Variants in BCR observed in about 807,000 individuals in gnomAD.
BCR encodes BCR activator of RhoGEF and GTPase.
BCR carries 58 observed loss-of-function variants against 138.6 expected under a neutral mutation model. The ratio of observed to expected loss-of-function variants is 0.42; its 90% CI spans 0.34 to 0.52. The LOEUF is 0.52. BCR is among the 20% of genes least tolerant of loss of function. BCR has a pLI of 0.06. For missense variants in BCR, 1,599 were observed against 1,727.2 expected (o/e 0.93, Z 1.32); for synonymous variants, 786 against 730.1 (o/e 1.08, Z -1.23).
At chr22:23,210,532 C>G (rs748014266) in intron 1 of BCR, among the ~76,000 whole-genome samples, 1 of 152,124 alleles carries the variant, frequency 6.6e-6, no homozygotes, top group African/African-American at 2.4e-5. Context: ...GAAAGTCACT[C>G]TTGGTATACT....
At chr22:23,194,018 G>A (rs774437992) in intron 1 of BCR, among the ~76,000 whole-genome samples, 2 of 152,232 alleles carry the variant, frequency 1.3e-5, no homozygotes, top group African/African-American at 2.4e-5. Context: ...GAGGCACGGA[G>A]GTGGTTGTGC....
intron 15 of BCR, among the ~76,000 whole-genome samples, chr22:23,293,977 G>C (rs921496647): frequency 6.6e-6 from 1 of 152,204 alleles, no homozygotes; most frequent in East Asian, 1.9e-4. Context: ...ACGCACCCAC[G>C]GCAGACAACT....
chr22:23,309,812 G>A (rs2073988358), intron 17 of BCR: 2 of 410,508 alleles, frequency 4.9e-6, no homozygotes, highest in African/African-American at 2.0e-5. Flanking sequence ...ACCCCAGAAA[G>A]GTTTAGACCT....
intron 1 of BCR, among the ~76,000 whole-genome samples, chr22:23,208,221 G>T (rs1037641673): frequency 6.6e-6 from 1 of 152,124 alleles, no homozygotes; most frequent in Non-Finnish European, 1.5e-5. Context: ...CCTTGGGCTG[G>T]AACCCACCCG....
At chr22:23,242,962 G>A (rs755870247) in intron 1 of BCR, 4 of 447,034 alleles carry the variant, frequency 8.9e-6, no homozygotes, top group South Asian at 6.4e-5. Context: ...TCCAGTCCCT[G>A]CCTCCGCCTT....
intron 8 of BCR, among the ~76,000 whole-genome samples, chr22:23,274,269 A>C (rs1042200027): frequency 8.5e-5 from 13 of 152,146 alleles, no homozygotes; most frequent in African/African-American, 1.9e-4. Context: ...GAAGCACTTC[A>C]CGTCTTCCTC....
At chr22:23,264,346 T>A in intron 4 of BCR, 1 of 977,842 alleles carries the variant, frequency 1.0e-6, no homozygotes, top group Non-Finnish European at 1.7e-6. Flanking sequence ...GTCCTGGATA[T>A]TCAAAACCCG....
intron 1 of BCR, among the ~76,000 whole-genome samples, chr22:23,217,348 A>ACT (rs2072766980): frequency 6.6e-6 from 1 of 152,370 alleles, no homozygotes; most frequent in Non-Finnish European, 1.5e-5. Context: ...GAACCTCTGC[A>ACT]GCCTGGCCTT....
In BCR at chr22:23,210,173, C is replaced by T. The variant is rs973003306; in HGVS notation, c.1279+27934C>T. 5.3e-5 allele frequency among the ~76,000 whole-genome samples: 8 copies of T among 152,008 alleles called. No homozygotes were observed. In the Middle Eastern group the frequency reaches 0.01, roughly 194 times the overall value. ...GCACAGCAGCTCACACCTGTATTAC[C>T]GGGAGGCTGAGGCAGGAGGATTGCT... On this transcript the variant is annotated intron_variant, in intron 1 of 22. Coordinates refer to ENST00000305877, the MANE Select transcript of BCR (RefSeq NM_004327.4).
chr22:23,297,263 C>G, intron 16 of BCR, among the ~76,000 whole-genome samples: 1 of 145,344 alleles, frequency 6.9e-6, no homozygotes, highest in Admixed American at 7.2e-5. Context: ...CTCTTGTTGC[C>G]CAGGCCGGAG....
chr22:23,189,646 G>A (rs1194968873), intron 1 of BCR, among the ~76,000 whole-genome samples: 1 of 152,012 alleles, frequency 6.6e-6, no homozygotes, highest in South Asian at 2.1e-4. Flanking sequence ...GATTACAGGC[G>A]CCTGCCATCA....
chr22:23,292,007 C>T (rs952560257), intron 14 of BCR, among the ~76,000 whole-genome samples: 1 of 152,200 alleles, frequency 6.6e-6, no homozygotes, highest in African/African-American at 2.4e-5. Context: ...CCACTCTTCT[C>T]CAGGCCTCGC....
intron 1 of BCR, among the ~76,000 whole-genome samples, chr22:23,249,293 G>T (rs1033824327): frequency 1.3e-5 from 2 of 151,876 alleles, no homozygotes; most frequent in Admixed American, 6.6e-5. Flanking sequence ...TTAGCCAGGC[G>T]TGGTGGCGCA....
chr22:23,309,532 G>C, intron 17 of BCR, 49 bp downstream of exon 17: 2 of 1,529,838 alleles, frequency 1.3e-6, no homozygotes, highest in Non-Finnish European at 1.8e-6. Context: ...CAGAAGGATA[G>C]GGTGGCCTCT....
At chr22:23,189,455 C>T (rs2072387329) in intron 1 of BCR, among the ~76,000 whole-genome samples, 1 of 152,096 alleles carries the variant, frequency 6.6e-6, no homozygotes, top group Non-Finnish European at 1.5e-5. Context: ...TCAAGCAGGG[C>T]TTTGAAGTTC....
At chr22:23,196,206 C>T (rs571813847) in intron 1 of BCR, among the ~76,000 whole-genome samples, 164 of 152,282 alleles carry the variant, frequency 1.1e-3, no homozygotes, top group Middle Eastern at 6.8e-3. Flanking sequence ...CACTGATCTT[C>T]AGGAGGGGTT....
At chr22:23,226,197 A>G (rs1408013009) in intron 1 of BCR, among the ~76,000 whole-genome samples, 2 of 152,242 alleles carry the variant, frequency 1.3e-5, no homozygotes, top group African/African-American at 4.8e-5. Flanking sequence ...GTATGAATCA[A>G]GATCCTGGCT....
At chr22:23,190,680 C>T (rs916038913) in intron 1 of BCR, among the ~76,000 whole-genome samples, 1 of 152,108 alleles carries the variant, frequency 6.6e-6, no homozygotes, top group Non-Finnish European at 1.5e-5. Context: ...GAGGAAAGGG[C>T]TGCCAGGCAG....
rs75489603 is a variant in BCR at position 23,182,078 on chromosome 22, A to G, written c.1118A>G (p.Asn373Ser). ...FRDKSRSPSQ[N>S]SQQSFDSSSP... ...GACAAAAGCCGCTCTCCCTCGCAGA[A>G]CTCGCAACAGTCCTTCGACAGCAGC... The change falls in exon 1 of 23, where the codon AAC becomes AGC. Residue 373 changes from asparagine to serine, a missense_variant. By Grantham distance (46) the Asn-to-Ser change is conservative. Coordinates refer to ENST00000305877, the MANE Select transcript of BCR (RefSeq NM_004327.4). 2 of 1,613,364 alleles carry G rather than the reference A, an allele frequency of 1.2e-6. No homozygotes were observed. The highest frequency in any genetic ancestry group is 8.5e-7 in the Non-Finnish European group (1 of 1,180,030).
Sources: gnomAD v4.1 joint callset for allele counts (sites outside exome capture counted in the v4.1 genomes callset) on GRCh38, gnomAD v4.1.1 for gene constraint, MANE v1.5 for transcripts, NCBI Gene and HGNC (gene_info 2026-07-23, HGNC 2026-07-21) for gene names.